CCNB1: variants seen among roughly 807,000 people sequenced by gnomAD.
CCNB1 encodes the protein G2/mitotic-specific cyclin-B1.
CCNB1 carries 26 observed loss-of-function variants against 44.4 expected under a neutral mutation model. The ratio of observed to expected loss-of-function variants is 0.59; its 90% confidence interval spans 0.43 to 0.81. CCNB1 has a LOEUF of 0.81. Among genes scored for constraint, CCNB1 ranks in the 40% least tolerant of loss-of-function variants. The pLI, the probability that CCNB1 is intolerant of heterozygous loss-of-function variation, is 0.00. For synonymous variants in CCNB1, 195 were observed against 181.4 expected (o/e 1.08, Z -0.60); for missense variants, 477 against 520.9 (o/e 0.92, Z 0.82).
rs1747533667 is a variant in CCNB1 at position 69,174,424 on chromosome 5, AAG to A, written c.705+18_705+19del. On this transcript the variant is annotated intron_variant, in intron 5 of 8. Coordinates refer to ENST00000256442, the MANE Select transcript of CCNB1 (RefSeq NM_031966.4). ...GGTTCATGCAGGTGAGCATTTCAGT[AAG>A]AGTTTTCCCTTCCAGGATTCTAGCC... 1 of 1,612,092 alleles carries A rather than the reference AAG, an allele frequency of 6.2e-7. No homozygotes were observed. Among genetic ancestry groups the A allele is most frequent in the Non-Finnish European group, 8.5e-7 (1 of 1,178,954 alleles).
chr5:69,175,251 C>A, intron 6 of CCNB1, 138 bp downstream of exon 6: 4 of 1,038,258 alleles, frequency 3.9e-6, no homozygotes, highest in African/African-American at 1.6e-5. Context: ...TATTTCTAGT[C>A]AGGCTGCATG....
At chr5:69,167,471 G>A (rs1375268869) in intron 1 of CCNB1, 188 bp downstream of exon 1, 1 of 598,676 alleles carries the variant, frequency 1.7e-6, no homozygotes, top group Non-Finnish European at 3.0e-6. Flanking sequence ...GGGGACGATG[G>A]ATGGAGGGAG....
At chr5:69,175,189 C>A in intron 6 of CCNB1, 76 bp downstream of exon 6, 2 of 1,167,962 alleles carry the variant, frequency 1.7e-6, no homozygotes, top group Admixed American at 1.8e-5. Flanking sequence ...ACGTTGAATT[C>A]AACTGACCTG....
At chr5:69,173,599 C>T (rs1450456079) in intron 4 of CCNB1, among the ~76,000 whole-genome samples, 1 of 152,132 alleles carries the variant, frequency 6.6e-6, no homozygotes, top group Admixed American at 6.6e-5. Context: ...ATTTTCTCTA[C>T]ATAAAGCTCA....
chr5:69,173,348 TG>T (rs1747505602), intron 4 of CCNB1, among the ~76,000 whole-genome samples: 1 of 152,160 alleles, frequency 6.6e-6, no homozygotes, highest in Non-Finnish European at 1.5e-5. Context: ...AGAATCAATG[TG>T]TGGGTGGCTG....
rs1439720479 is a variant in CCNB1, at chr5:69,167,192, G to T, written c.-71G>T. 2.2e-6 allele frequency: 3 copies of T among 1,386,304 alleles called. No individual in the cohort carries two copies. The highest frequency in any genetic ancestry group is 2.9e-6 in the Non-Finnish European group (3 of 1,023,396). The allele number at this position is 1,386,304 out of a possible 1,614,324, so 85.9% of individuals were successfully genotyped here. ...CGGCTGTTGGTTTCTGCTGGGTGTA[G>T]GTCCTTGGCTGGTCGGGCCTCCGGT... is the stretch of plus-strand genomic sequence containing the variant. On this transcript the variant is annotated 5_prime_UTR_variant, in exon 1 of 9. In the 5' UTR this introduces an upstream ATG that the reference lacks. Coordinates refer to ENST00000256442, the MANE Select transcript of CCNB1 (RefSeq NM_031966.4).
Position 69,167,890 on chromosome 5 carries a change from T to C in CCNB1, c.22-18T>C, listed in dbSNP as rs749098045. The stretch of plus-strand genomic sequence containing the variant: ...AGCCTTCGTGGATCAGCTCTTAAAG[T>C]GGTCTTGCTTCTTTCAGAACTCGAA... On this transcript the variant is annotated intron_variant, in intron 1 of 8. Coordinates refer to ENST00000256442, the MANE Select transcript of CCNB1 (RefSeq NM_031966.4). 8.8e-6 allele frequency: 14 copies of C among 1,598,126 alleles called. No individual in the cohort carries two copies. In the South Asian group the frequency reaches 1.4e-4, roughly 15 times the overall value.
At position 69,174,861 on chromosome 5, in the gene CCNB1, G is replaced by C; in HGVS notation, c.706-16G>C. ...TTTCAAACATTTTATTCACCCTATT[G>C]AAATTCCCATTGCAGAATAATTGTG... On this transcript the variant is annotated splice_polypyrimidine_tract_variant and intron_variant, in intron 5 of 8. Transcript: ENST00000256442. 6.3e-7 allele frequency: 1 copy of C among 1,598,208 alleles called. No individual in the cohort carries two copies. Among genetic ancestry groups the C allele is most frequent in the Non-Finnish European group, 8.6e-7 (1 of 1,165,710 alleles).
Position 69,177,815 on chromosome 5 carries a change from A to G in CCNB1, c.*184A>G. On this transcript the variant is annotated 3_prime_UTR_variant, in exon 9 of 9. Transcript: ENST00000256442. Reference sequence around the variant, plus strand: ...TAGCGGAAAAGTTGTCTTAAAAGGTATGGTGGGGATATTTTTAAAAACTCC... The same window carrying G: ...TAGCGGAAAAGTTGTCTTAAAAGGTGTGGTGGGGATATTTTTAAAAACTCC... The G allele has an allele frequency of 2.0e-6, 1 of 510,514 alleles. No individual in the cohort carries two copies. The allele number at this position is 510,514 out of a possible 1,614,324, so 31.6% of individuals were successfully genotyped here.
In CCNB1 at chr5:69,177,319, C is replaced by T; in HGVS notation, c.1164C>T (p.Val388=). 1 of 1,611,096 alleles carries T rather than the reference C, an allele frequency of 6.2e-7. No homozygotes were observed. The highest frequency in any genetic ancestry group is 8.5e-7 in the Non-Finnish European group (1 of 1,177,292). ...TGCAGCACCTGGCTAAGAATGTAGT[C>T]ATGGTAAATCAAGGACTTACAAAGC... ...PVMQHLAKNV[V]MVNQGLTKHM... is the part of the protein sequence containing the mutation. Residue 388 remains valine, a synonymous_variant, in exon 8 of 9, where the codon GTC becomes GTT. Coordinates refer to ENST00000256442, the MANE Select transcript of CCNB1 (RefSeq NM_031966.4).
chr5:69,168,491 T>TG, intron 3 of CCNB1, 148 bp downstream of exon 3: 1 of 857,934 alleles, frequency 1.2e-6, no homozygotes, highest in South Asian at 1.6e-5. Context: ...ACATTTTACA[T>TG]GCATTAACTC....
chr5:69,176,426 G>A (rs1179767201), intron 7 of CCNB1, among the ~76,000 whole-genome samples: 4 of 151,512 alleles, frequency 2.6e-5, no homozygotes, highest in Admixed American at 6.6e-5. Context: ...GCGTGATCTC[G>A]GCTCACTGCA....
chr5:69,176,804 C>A (rs1476287854), intron 7 of CCNB1, among the ~76,000 whole-genome samples: 1 of 151,682 alleles, frequency 6.6e-6, no homozygotes, highest in Non-Finnish European at 1.5e-5. Context: ...CATGGTGAAA[C>A]CCTATCTCTA....
chr5:69,167,741 T>C (rs534302796), intron 1 of CCNB1, among the ~76,000 whole-genome samples, 167 bp from the exon 2 acceptor site: 38 of 152,134 alleles, frequency 2.5e-4, no homozygotes, highest in Non-Finnish European at 4.9e-4. Context: ...CGGCGGAAAC[T>C]GACTTGTCAC....
chr5:69,167,853 T>C, intron 1 of CCNB1, 55 bp from the exon 2 acceptor site: 15 of 1,508,050 alleles, frequency 9.9e-6, no homozygotes, highest in Non-Finnish European at 1.3e-5. Flanking sequence ...TAATTAACCC[T>C]TGACTTACTC....
Position 69,178,232 on chromosome 5 carries a change from ACTC to A in CCNB1, c.*602_*604del, listed in dbSNP as rs1747640806. On this transcript the variant is annotated 3_prime_UTR_variant, in exon 9 of 9. Transcript: ENST00000256442. ...TTTGTGTTTTGGTTAATAAAACAAT[ACTC>A]AAATACAAAAGGTATCTTTTTTAAA... The A allele has an allele frequency of 6.6e-6, 1 of 152,192 alleles. No homozygotes were observed. Among genetic ancestry groups the A allele is most frequent in the African/African-American group, 2.4e-5 (1 of 41,454 alleles). 9.4% of individuals were successfully genotyped at this position (152,192 alleles called of 1,614,324 possible).
At position 69,175,090 on chromosome 5, in the gene CCNB1, C is replaced by A. The variant is rs776088624; in HGVS notation, c.919C>A (p.Arg307=). ...TCGGCCTCTACCTTTGCACTTCCTT[C>A]GGAGAGCATCTAAGATTGGAGAGGT... ...LGRPLPLHFL[R]RASKIGEVDV... is the part of the protein sequence containing the mutation. Residue 307 remains arginine, a synonymous_variant, in exon 6 of 9, where the codon CGG becomes AGG. Coordinates refer to ENST00000256442, the MANE Select transcript of CCNB1 (RefSeq NM_031966.4). 10 of 1,612,704 alleles carry A rather than the reference C, an allele frequency of 6.2e-6. No homozygotes were observed. Among genetic ancestry groups the A allele is most frequent in the Non-Finnish European group, 8.5e-6 (10 of 1,178,860 alleles).
chr5:69,170,048 C>T (rs1420457849), intron 3 of CCNB1, among the ~76,000 whole-genome samples: 1 of 152,028 alleles, frequency 6.6e-6, no homozygotes, highest in Admixed American at 6.6e-5. Context: ...ACTGCAACCT[C>T]TACCTCCTGG....
At chr5:69,171,578 T>A in intron 4 of CCNB1, 126 bp downstream of exon 4, 2 of 635,460 alleles carry the variant, frequency 3.1e-6, no homozygotes, top group Non-Finnish European at 5.3e-6. Context: ...ACTTTCAAAT[T>A]CTCCTTCATG....
Sources: allele counts gnomAD v4.1 joint callset (sites outside exome capture counted in the v4.1 genomes callset), GRCh38; gene constraint gnomAD v4.1.1; transcripts MANE v1.5; gene names NCBI Gene and HGNC (gene_info 2026-07-23, HGNC 2026-07-21).